The following FAM171A2 variants were observed in gnomAD, a reference collection of about 807,000 sequenced individuals.
The protein encoded by FAM171A2 is protein FAM171A2.
A neutral mutation model predicts 34.2 loss-of-function variants in FAM171A2; 13 were observed. The observed-to-expected ratio is 0.38, with a 90% confidence interval of 0.25 to 0.60. FAM171A2 has a LOEUF of 0.60. FAM171A2 is among the 20% of genes least tolerant of loss of function. The pLI is 0.62. For synonymous variants in FAM171A2, 475 were observed against 561.2 expected, an observed-to-expected ratio of 0.85 and a Z score of 2.17; for missense variants, 950 against 1,180.7, an observed-to-expected ratio of 0.80 and a Z score of 2.86.
rs1315968203 is a variant in FAM171A2, at chr17:44,354,738, C to G, written c.1476G>C (p.Glu492Asp). ...ACAGCAGGAAGTCGGGGGTCTTGCC[C>G]TCGGCCGCCCCCTTGTGGCCCAGGT... ...DHYLGHKGAA[E>D]GKTPDFLLSQ... The change falls in exon 8 of 8, where the codon GAG becomes GAC. Residue 492 changes from glutamate (E) to aspartate (D), a missense_variant. By Grantham distance (45) the Glu-to-Asp change is conservative. Around this residue, in one of 3 missense-constraint regions of FAM171A2, gnomAD observed 752 missense variants for 924.5 expected, o/e 0.81. Transcript: ENST00000293443. This position sits in a 1 kb window ranked among gnomAD's most constrained non-coding sequence, Gnocchi z 5.8. 5 of 1,313,540 alleles carry G rather than the reference C, an allele frequency of 3.8e-6. No individual in the cohort carries two copies. The highest frequency in any genetic ancestry group is 3.1e-5 in the East Asian group (1 of 31,828). 81.4% of individuals were successfully genotyped at this position (1,313,540 alleles called of 1,614,324 possible).
At chr17:44,357,653 A>C (rs35849315) in intron 3 of FAM171A2, among the ~76,000 whole-genome samples, 5,926 of 152,066 alleles carry the variant, frequency 0.039, 366 homozygotes, top group African/African-American at 0.14. Flanking sequence ...TCTCAAAAAA[A>C]AAAATTAATG....
chr17:44,361,492 T>C (rs1396485957), intron 1 of FAM171A2, among the ~76,000 whole-genome samples: 1 of 151,972 alleles, frequency 6.6e-6, no homozygotes, highest in Non-Finnish European at 1.5e-5. Flanking sequence ...GGGAAGGCCT[T>C]AGAGTGGAGC....
In FAM171A2 at chr17:44,353,721, C is replaced by A; in HGVS notation, c.*12G>T. 1 of 1,380,588 alleles carries A rather than the reference C, an allele frequency of 7.2e-7. No individual in the cohort carries two copies. Among genetic ancestry groups the A allele is most frequent in the Admixed American group, 2.8e-5 (1 of 35,536 alleles). The allele number at this position is 1,380,588 out of a possible 1,614,324, so 85.5% of individuals were successfully genotyped here. On this transcript the variant is annotated 3_prime_UTR_variant, in exon 8 of 8. Coordinates refer to ENST00000293443, the MANE Select transcript of FAM171A2 (RefSeq NM_198475.3). ...CCGCGCGGGAGGGGCGGTGCCAGGC[C>A]CTGCGCGGGCGCTACTTGACGTTGA...
chr17:44,353,694 G>T lies in FAM171A2; in HGVS notation c.*39C>A, dbSNP rs1202782141. ...CCCGGGGCGCGCACCCTGGGTGCGG[G>T]CCCGCGCGGGAGGGGCGGTGCCAGG... On this transcript the variant is annotated 3_prime_UTR_variant, in exon 8 of 8. Transcript: ENST00000293443. 6.3e-6 allele frequency: 8 copies of T among 1,268,704 alleles called. No individual in the cohort carries two copies. Among genetic ancestry groups the T allele is most frequent in the East Asian group, 3.5e-5 (1 of 28,758 alleles). 78.6% of individuals were successfully genotyped at this position (1,268,704 alleles called of 1,614,324 possible). A position where few individuals can be genotyped will look rare whatever the true frequency, so the allele number is the denominator to read the frequency against.
rs575821787 is a variant in FAM171A2 at position 44,353,253 on chromosome 17, G to C, written c.*480C>G. ...TTTTATATTTGCTGCTGCCCACATC[G>C]GCTGTATCACATTACCCCCTAGTCC... On this transcript the variant is annotated 3_prime_UTR_variant, in exon 8 of 8. Transcript: ENST00000293443. 3 of 263,976 alleles carry C rather than the reference G, an allele frequency of 1.1e-5. No individual in the cohort carries two copies. In the South Asian group the frequency reaches 1.3e-4, roughly 12 times the overall value. 16.4% of individuals were successfully genotyped at this position (263,976 alleles called of 1,614,324 possible).
In FAM171A2 at chr17:44,354,852, C is replaced by T. The variant is rs1387492954; in HGVS notation, c.1362G>A (p.Glu454=). 7.8e-7 allele frequency: 1 copy of T among 1,282,380 alleles called. No homozygotes were observed. Among genetic ancestry groups the T allele is most frequent in the South Asian group, 2.5e-5 (1 of 39,834 alleles). 79.4% of individuals were successfully genotyped at this position (1,282,380 alleles called of 1,614,324 possible). A position where few individuals can be genotyped will look rare whatever the true frequency, so the allele number is the denominator to read the frequency against. The change falls in exon 8 of 8, where the codon GAG becomes GAA. Residue 454 remains glutamate, a synonymous_variant. Transcript: ENST00000293443. This position sits in a 1 kb window ranked among gnomAD's most constrained non-coding sequence, Gnocchi z 5.8. ...ARSAEGPGGL[E]PGLEEHRRGP... is the part of the protein sequence containing the mutation. ...CCCGCCGGTGCTCCTCTAGGCCGGG[C>T]TCCAGCCCGCCGGGGCCCTCGGCCG...
At chr17:44,363,342 G>A (rs1320365658) in intron 1 of FAM171A2, among the ~76,000 whole-genome samples, 2 of 152,078 alleles carry the variant, frequency 1.3e-5, no homozygotes, top group African/African-American at 4.8e-5. Flanking sequence ...ATAGGGAGAG[G>A]GCGGCGGCGC....
chr17:44,357,240 G>A (rs990699514), intron 3 of FAM171A2, among the ~76,000 whole-genome samples: 4 of 151,788 alleles, frequency 2.6e-5, no homozygotes, highest in Non-Finnish European at 2.9e-5. Flanking sequence ...CCAGCTGCTC[G>A]TGAGGCTGAG....
rs1178896137 is a variant in FAM171A2 at position 44,354,073 on chromosome 17, G to A, written c.2141C>T (p.Ala714Val). The A allele has an allele frequency of 1.6e-5, 18 of 1,105,754 alleles. No individual in the cohort carries two copies. The East Asian group carries it at 6.5e-4, about 40-fold the overall frequency. 68.5% of individuals were successfully genotyped at this position (1,105,754 alleles called of 1,614,324 possible). Residue 714 changes from alanine (A) to valine (V), a missense_variant, in exon 8 of 8, where the codon GCG becomes GTG. Transcript: ENST00000293443. The surrounding 1 kb of genome is among the most constrained non-coding windows in gnomAD (Gnocchi z 5.8). ...CGGGGGCGCGGGCGGCGGCGGCGGC[G>A]CGGCAGGCGGGGCGCGCTCCCGCTC... ...REERERAPPAAPPPPPAPPRL... is the reference protein window; with the variant it reads ...REERERAPPAVPPPPPAPPRL...
intron 1 of FAM171A2, 52 bp from the exon 2 acceptor site, chr17:44,360,184 A>C (rs2143384340): frequency 1.2e-4 from 168 of 1,370,334 alleles, no homozygotes; most frequent in Non-Finnish European, 1.6e-4. Flanking sequence ...GGGAAAGAGA[A>C]CTGGGGGGAG....
chr17:44,363,122 C>G (rs2048454484), intron 1 of FAM171A2, among the ~76,000 whole-genome samples: 1 of 152,102 alleles, frequency 6.6e-6, no homozygotes, highest in Non-Finnish European at 1.5e-5. Context: ...TCTCCCCTCC[C>G]CCCTTCAAAC....
intron 1 of FAM171A2, among the ~76,000 whole-genome samples, chr17:44,363,296 C>T (rs960662766): frequency 1.3e-5 from 2 of 152,164 alleles, no homozygotes; most frequent in Non-Finnish European, 2.9e-5. Flanking sequence ...ATGGCTCAGG[C>T]AGCAGCGCCT....
chr17:44,353,997 C>T lies in FAM171A2; in HGVS notation c.2217G>A (p.Thr739=), dbSNP rs998245032. 7.4e-6 allele frequency: 9 copies of T among 1,224,246 alleles called. No individual in the cohort carries two copies. In the African/African-American group the frequency reaches 1.1e-4, roughly 15 times the overall value. 75.8% of individuals were successfully genotyped at this position (1,224,246 alleles called of 1,614,324 possible). ...AGTTGTCCTCCGGAGAGCAGAGGCC[C>T]GTGCGGCTCTCGCTGCTGCTGGGCT... ...DTEPSSSESR[T]GLCSPEDNSL... Residue 739 remains threonine (T), a synonymous_variant, in exon 8 of 8, where the codon ACG becomes ACA. Transcript: ENST00000293443.
At chr17:44,358,414 C>T (rs543791614) in intron 3 of FAM171A2, among the ~76,000 whole-genome samples, 8 of 152,052 alleles carry the variant, frequency 5.3e-5, no homozygotes, top group African/African-American at 1.7e-4. Context: ...TTGGTGAGGC[C>T]GGGTGAAGTG....
chr17:44,355,299 G>A lies in FAM171A2; in HGVS notation c.1023-108C>T. The stretch of plus-strand genomic sequence containing the variant: ...GAGACGAATATAGTGGAAGAGGTGG[G>A]GAGAATGCCTGGGGCGCTCAGGAGA... On this transcript the variant is annotated intron_variant, in intron 7 of 7. Transcript: ENST00000293443. This position sits in a 1 kb window ranked among gnomAD's most constrained non-coding sequence, Gnocchi z 4.1. The A allele has an allele frequency of 6.8e-7, 1 of 1,470,296 alleles. No homozygotes were observed. Among genetic ancestry groups the A allele is most frequent in the Non-Finnish European group, 9.0e-7 (1 of 1,114,746 alleles). The allele number at this position is 1,470,296 out of a possible 1,614,324, so 91.1% of individuals were successfully genotyped here.
At chr17:44,357,982 T>G (rs1417573593) in intron 3 of FAM171A2, among the ~76,000 whole-genome samples, 2 of 152,172 alleles carry the variant, frequency 1.3e-5, no homozygotes, top group Non-Finnish European at 2.9e-5. Context: ...GTCACAATCC[T>G]CGAGCCCGGA....
At position 44,354,665 on chromosome 17, in the gene FAM171A2, C is replaced by T; in HGVS notation, c.1549G>A (p.Gly517Arg). ...ATGGAGCCGCAGAAGATGAGCTGCC[C>T]CGCCTGGCCCAGCGACGGCGGCCGC... is the stretch of plus-strand genomic sequence containing the variant. ...LARPPSLGQA[G>R]QLIFCGSIDH... Residue 517 changes from glycine (G) to arginine (R), a missense_variant, in exon 8 of 8, where the codon GGG becomes AGG. Around this residue, in one of 3 missense-constraint regions of FAM171A2, gnomAD observed 752 missense variants for 924.5 expected, o/e 0.81. Transcript: ENST00000293443. This position sits in a 1 kb window ranked among gnomAD's most constrained non-coding sequence, Gnocchi z 5.8. The T allele has an allele frequency of 7.6e-7, 1 of 1,320,680 alleles. No homozygotes were observed. The highest frequency in any genetic ancestry group is 9.7e-7 in the Non-Finnish European group (1 of 1,034,804). The allele number at this position is 1,320,680 out of a possible 1,614,324, so 81.8% of individuals were successfully genotyped here. A position where few individuals can be genotyped will look rare whatever the true frequency, so the allele number is the denominator to read the frequency against.
Position 44,355,400 on chromosome 17 carries a change from C to CTGCG in FAM171A2, c.1023-213_1023-210dup, listed in dbSNP as rs1670168788. 6.6e-6 allele frequency among the ~76,000 whole-genome samples: 1 copy of CTGCG among 152,242 alleles called. No individual in the cohort carries two copies. On this transcript the variant is annotated intron_variant, in intron 7 of 7. Coordinates refer to ENST00000293443, the MANE Select transcript of FAM171A2 (RefSeq NM_198475.3). The surrounding 1 kb of genome is among the most constrained non-coding windows in gnomAD (Gnocchi z 4.1). ...TGCACTCCTCTGCATGTAGGATGTG[C>CTGCG]TGCGAGAACCAGGGATGAGCATCTA...
chr17:44,357,498 T>C (rs2048429627), intron 3 of FAM171A2, among the ~76,000 whole-genome samples: 1 of 151,356 alleles, frequency 6.6e-6, no homozygotes. Flanking sequence ...ACTACAAAAA[T>C]TAGCCAGGTG....
Sources: gnomAD v4.1 joint callset for allele counts (sites outside exome capture counted in the v4.1 genomes callset) on GRCh38, gnomAD v4.1.1 for gene constraint, gnomAD v4.1.1 regional missense constraint, Gnocchi (gnomAD v3.1) non-coding constraint, MANE v1.5 for transcripts, NCBI Gene and HGNC (gene_info 2026-07-23, HGNC 2026-07-21) for gene names.